The following CTNNA2 variants were observed in gnomAD, a reference collection of about 807,000 sequenced individuals.
CTNNA2 encodes the protein catenin alpha 2, also known as catenin alpha-2.
A neutral mutation model predicts 101.0 loss-of-function variants in CTNNA2; 42 were observed. The observed-to-expected ratio is 0.42, with a 90% confidence interval of 0.32 to 0.54. CTNNA2 has a LOEUF of 0.54. Among genes scored for constraint, CTNNA2 ranks in the 20% least tolerant of loss-of-function variants. CTNNA2 has a pLI of 0.14. For synonymous variants in CTNNA2, 450 were observed against 456.4 expected (o/e 0.99, Z 0.18); for missense variants, 871 against 1,223.1 (o/e 0.71, Z 4.29).
chr2:79,504,251 G>C (rs924468460), intron 4 of CTNNA2, among the ~76,000 whole-genome samples: 1 of 152,008 alleles, frequency 6.6e-6, no homozygotes, highest in Non-Finnish European at 1.5e-5. Flanking sequence ...TTAATATAAG[G>C]AGTAAAGATA....
chr2:79,400,391 G>C (rs1678277106), intron 4 of CTNNA2, among the ~76,000 whole-genome samples: 1 of 151,730 alleles, frequency 6.6e-6, no homozygotes, highest in Non-Finnish European at 1.5e-5. Flanking sequence ...GTGATTTTGG[G>C]GTTCCAAGAT....
At chr2:80,132,460 A>G (rs1702467868) in intron 7 of CTNNA2, among the ~76,000 whole-genome samples, 1 of 152,324 alleles carries the variant, frequency 6.6e-6, no homozygotes, top group South Asian at 2.1e-4. Context: ...AAATCCGAGT[A>G]CGTGTTTATG....
intron 9 of CTNNA2, among the ~76,000 whole-genome samples, chr2:80,423,200 T>C (rs1453581420): frequency 6.6e-6 from 1 of 152,120 alleles, no homozygotes; most frequent in East Asian, 1.9e-4. Context: ...ATAGTTCTTT[T>C]TGGTTTTTTC....
chr2:79,960,837 A>G (rs1357038605), intron 7 of CTNNA2, among the ~76,000 whole-genome samples: 1 of 152,164 alleles, frequency 6.6e-6, no homozygotes, highest in Non-Finnish European at 1.5e-5. Flanking sequence ...TCTGAGCAGT[A>G]TAAGTCGTTT....
At chr2:79,330,666 T>G (rs181795209) in intron 3 of CTNNA2, among the ~76,000 whole-genome samples, 1 of 152,294 alleles carries the variant, frequency 6.6e-6, no homozygotes, top group East Asian at 1.9e-4. Flanking sequence ...CAGACTTTCC[T>G]GTGCTGTTCG....
chr2:80,429,820 A>G (rs1455992690), intron 9 of CTNNA2, among the ~76,000 whole-genome samples: 5 of 152,340 alleles, frequency 3.3e-5, no homozygotes, highest in Non-Finnish European at 5.9e-5. Context: ...TATCTGTTCA[A>G]ATTACTAAAT....
At position 80,304,220 on chromosome 2, in the gene CTNNA2, G is replaced by T. The variant is rs188980308; in HGVS notation, c.1057-88991G>T. The T allele has an allele frequency of 1.1e-3, 178 of 162,184 alleles. 1 individual carries two copies. The highest frequency in any genetic ancestry group is 3.9e-3 in the African/African-American group (165 of 42,030). 10.0% of individuals were successfully genotyped at this position (162,184 alleles called of 1,614,324 possible). A position where few individuals can be genotyped will look rare whatever the true frequency, so the allele number is the denominator to read the frequency against. ...TGTGCAGGCTAATTATATGCAGGGC[G>T]AGAGAAGACCCCTCTGTGTTTCCGA... On this transcript the variant is annotated intron_variant, in intron 7 of 18. Transcript: ENST00000402739.
chr2:79,863,366 T>C (rs1681776275), intron 4 of CTNNA2, among the ~76,000 whole-genome samples: 1 of 152,138 alleles, frequency 6.6e-6, no homozygotes, highest in East Asian at 1.9e-4. Context: ...GATGATGTGG[T>C]TGGGAGAGGG....
intron 3 of CTNNA2, among the ~76,000 whole-genome samples, chr2:79,812,206 T>G (rs1270158660): frequency 6.6e-6 from 1 of 152,166 alleles, no homozygotes; most frequent in Non-Finnish European, 1.5e-5. Flanking sequence ...TTTATTTCTG[T>G]TTTTTCATTC....
rs188696645 is a variant in CTNNA2 at position 79,287,981 on chromosome 2, G to A, written c.-405-24728G>A. On this transcript the variant is annotated intron_variant, in intron 2 of 21. Coordinates refer to the CTNNA2 transcript ENST00000466387. ...TGTTTTTTAAGCCGGTCGGAAAAGCGCAGTATCAGGTGGGAGTGACCCGAT... is the reference window on the plus strand; with the variant it reads ...TGTTTTTTAAGCCGGTCGGAAAAGCACAGTATCAGGTGGGAGTGACCCGAT... Among the ~76,000 whole-genome samples, 33 of 152,348 alleles carry A rather than the reference G, an allele frequency of 2.2e-4. No individual in the cohort carries two copies. In the East Asian group the frequency reaches 3.7e-3, roughly 17 times the overall value.
intron 7 of CTNNA2, among the ~76,000 whole-genome samples, chr2:80,132,515 C>T (rs879412495): frequency 5.9e-5 from 9 of 152,112 alleles, no homozygotes; most frequent in Admixed American, 5.9e-4. Flanking sequence ...TAATTCCCTC[C>T]TAGGATGGGT....
intron 1 of CTNNA2, among the ~76,000 whole-genome samples, chr2:79,531,195 C>CATATATATATATAT (rs34087238): frequency 4.5e-5 from 5 of 110,278 alleles, no homozygotes; most frequent in Non-Finnish European, 5.6e-5. Flanking sequence ...TAGATACGCT[C>CATATATATATATAT]ATATATATAT....
At chr2:79,218,033 G>A (rs745455591) in intron 2 of CTNNA2, among the ~76,000 whole-genome samples, 3 of 152,190 alleles carry the variant, frequency 2.0e-5, no homozygotes, top group Non-Finnish European at 4.4e-5. Flanking sequence ...CATGATTCAG[G>A]CAATTCACTT....
intron 3 of CTNNA2, among the ~76,000 whole-genome samples, chr2:79,857,436 T>C (rs1348550462): frequency 6.6e-6 from 1 of 152,266 alleles, no homozygotes; most frequent in Admixed American, 6.5e-5. Context: ...GTGTGTTTAG[T>C]AAACATTTGT....
intron 16 of CTNNA2, among the ~76,000 whole-genome samples, chr2:80,604,492 A>G (rs560044204): frequency 2.6e-5 from 4 of 151,948 alleles, no homozygotes; most frequent in Non-Finnish European, 5.9e-5. Flanking sequence ...AGGCAACTAT[A>G]CTGCATAATG....
chr2:79,396,726 T>C (rs1678235533), intron 4 of CTNNA2, among the ~76,000 whole-genome samples: 1 of 152,164 alleles, frequency 6.6e-6, no homozygotes, highest in Admixed American at 6.6e-5. Flanking sequence ...TATACCAACT[T>C]TCTGCCTGGC....
At chr2:79,616,338 G>A (rs1197827577) in intron 1 of CTNNA2, among the ~76,000 whole-genome samples, 2 of 152,062 alleles carry the variant, frequency 1.3e-5, no homozygotes, top group Admixed American at 6.6e-5. Context: ...GAGACCTAAG[G>A]AAGGTCTATA....
intron 1 of CTNNA2, among the ~76,000 whole-genome samples, chr2:79,627,380 A>C (rs1234748578): frequency 6.6e-6 from 1 of 152,224 alleles, no homozygotes; most frequent in Non-Finnish European, 1.5e-5. Flanking sequence ...CCATGTTCTC[A>C]GAGCTACTTT....
intron 7 of CTNNA2, among the ~76,000 whole-genome samples, chr2:79,912,649 A>G (rs1261306962): frequency 2.6e-5 from 4 of 152,244 alleles, no homozygotes; most frequent in East Asian, 3.8e-4. Flanking sequence ...AGTTGAAGAT[A>G]TAATCCAAAG....
Sources: gnomAD v4.1 joint callset for allele counts (sites outside exome capture counted in the v4.1 genomes callset) on GRCh38, gnomAD v4.1.1 for gene constraint, MANE v1.5 for transcripts, NCBI Gene and HGNC (gene_info 2026-07-23, HGNC 2026-07-21) for gene names.